The following PIK3C3 variants were observed in gnomAD, a reference collection of about 807,000 sequenced individuals.
PIK3C3 encodes phosphatidylinositol 3-kinase catalytic subunit type 3, also known as PI3-kinase type 3.
PIK3C3 carries 95 observed loss-of-function variants against 126.1 expected under a neutral mutation model. The ratio of observed to expected loss-of-function variants is 0.75; its 90% confidence interval spans 0.64 to 0.89. PIK3C3 has a LOEUF of 0.89. PIK3C3 is among the 40% of genes least tolerant of loss of function. The pLI is 0.00. For synonymous variants in PIK3C3, 374 were observed against 360.0 expected, an observed-to-expected ratio of 1.04 and a Z score of -0.44; for missense variants, 829 against 1,063.2, an observed-to-expected ratio of 0.78 and a Z score of 3.06.
At chr18:41,970,286 T>G in intron 3 of PIK3C3, 41 bp from the exon 4 acceptor site, 2 of 1,579,406 alleles carry the variant, frequency 1.3e-6, no homozygotes, top group Non-Finnish European at 1.7e-6. Flanking sequence ...TAATGAACTG[T>G]ATTAATTTAC....
chr18:42,002,020 T>A (rs1982314780), intron 9 of PIK3C3, among the ~76,000 whole-genome samples: 1 of 152,148 alleles, frequency 6.6e-6, no homozygotes, highest in African/African-American at 2.4e-5. Context: ...AGTGGACAGC[T>A]GTCCTTGGGG....
chr18:41,991,936 T>C (rs564340712), intron 6 of PIK3C3, among the ~76,000 whole-genome samples: 2 of 152,298 alleles, frequency 1.3e-5, no homozygotes, highest in East Asian at 1.9e-4. Context: ...TTAAACTATA[T>C]GTCATTTCAT....
At chr18:42,071,736 T>A (rs920774259) in intron 24 of PIK3C3, among the ~76,000 whole-genome samples, 21 of 150,950 alleles carry the variant, frequency 1.4e-4, no homozygotes, top group Middle Eastern at 3.4e-3. Context: ...AAAAAAAAAA[T>A]TAATAAAATA....
rs1454288715 is a variant in PIK3C3, at chr18:42,054,170, A to G, written c.2264-3713A>G. Among the ~76,000 whole-genome samples the G allele has an allele frequency of 7.9e-3, 415 of 52,544 alleles. 23 individuals carry two copies. Among genetic ancestry groups the G allele is most frequent in the Non-Finnish European group, 0.011 (294 of 27,916 alleles). The allele number at this position is 52,544 out of a possible 152,430, so 34.5% of individuals were successfully genotyped here. A position where few individuals can be genotyped will look rare whatever the true frequency, so the allele number is the denominator to read the frequency against. ...TATATATATATATATATATATATAT[A>G]TATATATATATATATATATATAAAG... On this transcript the variant is annotated intron_variant, in intron 21 of 24. Coordinates refer to ENST00000262039, the MANE Select transcript of PIK3C3 (RefSeq NM_002647.4).
rs776944669 is a variant in PIK3C3 at position 41,995,871 on chromosome 18, A to G, written c.787-19A>G. On this transcript the variant is annotated intron_variant, in intron 7 of 24. Transcript: ENST00000262039. Reference sequence around the variant, plus strand: ...TTTTGGTGAAGTTTACATTGTCAATATTTTAAAATAATTTGTAGGAGAATT... The same window carrying G: ...TTTTGGTGAAGTTTACATTGTCAATGTTTTAAAATAATTTGTAGGAGAATT... The G allele has an allele frequency of 9.0e-6, 14 of 1,558,034 alleles. No homozygotes were observed. The highest frequency in any genetic ancestry group is 2.7e-5 in the African/African-American group (2 of 73,768).
At chr18:42,032,457 TAAG>T (rs1391275962) in intron 15 of PIK3C3, among the ~76,000 whole-genome samples, 1 of 152,026 alleles carries the variant, frequency 6.6e-6, no homozygotes, top group African/African-American at 2.4e-5. Flanking sequence ...TTACTTTTGA[TAAG>T]AAACTGTAGG....
intron 7 of PIK3C3, 47 bp downstream of exon 7, chr18:41,993,388 A>C: frequency 8.2e-7 from 1 of 1,213,732 alleles, no homozygotes; most frequent in Non-Finnish European, 1.2e-6. Flanking sequence ...TCTTCAGAGT[A>C]ATTGTGAGTT....
chr18:41,987,778 T>A, intron 4 of PIK3C3, 34 bp from the exon 5 acceptor site: 1 of 1,419,966 alleles, frequency 7.0e-7, no homozygotes, highest in African/African-American at 1.4e-5. Flanking sequence ...ACTAGATGTA[T>A]ATTAAAATTT....
At chr18:42,015,338 T>C in intron 11 of PIK3C3, 138 bp from the exon 12 acceptor site, 1 of 632,330 alleles carries the variant, frequency 1.6e-6, no homozygotes, top group Non-Finnish European at 2.8e-6. Flanking sequence ...AATGTGACTC[T>C]AGTGTTGCAC....
Position 42,087,612 on chromosome 18 carries a change from A to T in PIK3C3, c.*6475A>T, listed in dbSNP as rs1195114679. ...GGAGCTTCTTTTCATTAAAGAAAAA[A>T]GCCTTACCGAGGACTCCCATACCCT... On this transcript the variant is annotated 3_prime_UTR_variant, in exon 25 of 25. Coordinates refer to ENST00000262039, the MANE Select transcript of PIK3C3 (RefSeq NM_002647.4). 6.6e-6 allele frequency: 1 copy of T among 152,190 alleles called. No individual in the cohort carries two copies. Among genetic ancestry groups the T allele is most frequent in the African/African-American group, 2.4e-5 (1 of 41,448 alleles). 9.4% of individuals were successfully genotyped at this position (152,190 alleles called of 1,614,324 possible). A position where few individuals can be genotyped will look rare whatever the true frequency, so the allele number is the denominator to read the frequency against.
chr18:42,019,408 C>A (rs1317790017), intron 12 of PIK3C3, among the ~76,000 whole-genome samples: 2 of 152,124 alleles, frequency 1.3e-5, no homozygotes, highest in Admixed American at 6.6e-5. Flanking sequence ...GCTTAAAACC[C>A]AATTTGCTAA....
At chr18:41,996,978 C>T (rs1425054234) in intron 9 of PIK3C3, among the ~76,000 whole-genome samples, 1 of 152,010 alleles carries the variant, frequency 6.6e-6, no homozygotes, top group Admixed American at 6.6e-5. Context: ...GTTCGTTTTC[C>T]AGAAGTACAT....
chr18:42,076,123 C>CATATATAT (rs1568013588), intron 24 of PIK3C3, among the ~76,000 whole-genome samples: 17 of 30,250 alleles, frequency 5.6e-4, no homozygotes, highest in African/African-American at 1.6e-3. Flanking sequence ...TATATATATG[C>CATATATAT]GCATATATAT....
Position 41,987,816 on chromosome 18 carries a change from C to T in PIK3C3, c.536C>T (p.Thr179Ile). The change falls in exon 5 of 25, where the codon ACC becomes ATC. Residue 179 changes from threonine to isoleucine, a missense_variant. Physicochemically the swap from Thr to Ile is moderately conservative, Grantham distance 89. This residue lies in a region of PIK3C3 where 313 missense variants were observed against 340.7 expected (regional missense o/e 0.92). Coordinates refer to ENST00000262039, the MANE Select transcript of PIK3C3 (RefSeq NM_002647.4). ...EDQMSRLAKL[T>I]KAHRQGHMVK... is the part of the protein sequence containing the mutation. ...GTCATTGTATTTATTCTGCAGCTCA[C>T]CAAAGCTCATCGACAAGGACACATG... is the stretch of plus-strand genomic sequence containing the variant. 6.2e-7 allele frequency: 1 copy of T among 1,603,950 alleles called. No individual in the cohort carries two copies. Among genetic ancestry groups the T allele is most frequent in the Non-Finnish European group, 8.5e-7 (1 of 1,174,264 alleles).
intron 4 of PIK3C3, among the ~76,000 whole-genome samples, chr18:41,985,876 A>G (rs748823051): frequency 3.3e-5 from 5 of 152,138 alleles, no homozygotes; most frequent in Non-Finnish European, 7.4e-5. Flanking sequence ...TGGCTTTAGA[A>G]CATTTCTAAT....
intron 5 of PIK3C3, among the ~76,000 whole-genome samples, chr18:41,988,103 G>A (rs1434585173): frequency 1.3e-5 from 2 of 151,926 alleles, no homozygotes; most frequent in Admixed American, 1.3e-4. Context: ...TATGAAGTAG[G>A]TAGTGGATAT....
At position 42,087,034 on chromosome 18, in the gene PIK3C3, TC is replaced by T. The variant is rs976869933; in HGVS notation, c.*5903del. 6.6e-6 allele frequency: 1 copy of T among 152,248 alleles called. No homozygotes were observed. Among genetic ancestry groups the T allele is most frequent in the South Asian group, 2.1e-4 (1 of 4,802 alleles). The allele number at this position is 152,248 out of a possible 1,614,324, so 9.4% of individuals were successfully genotyped here. A position where few individuals can be genotyped will look rare whatever the true frequency, so the allele number is the denominator to read the frequency against. ...AAAACTAGGTGCTAAGTACACTTTT[TC>T]CCCCCTTTCCTCTATTTTTAAAAGA... is the stretch of plus-strand genomic sequence containing the variant. On this transcript the variant is annotated 3_prime_UTR_variant, in exon 25 of 25. Transcript: ENST00000262039.
At chr18:42,034,298 C>G (rs1983952989) in intron 16 of PIK3C3, among the ~76,000 whole-genome samples, 1 of 152,196 alleles carries the variant, frequency 6.6e-6, no homozygotes, top group Admixed American at 6.5e-5. Flanking sequence ...AAGCAGTCTT[C>G]CCACCTCAGC....
rs76459531 is a variant in PIK3C3, at chr18:41,998,339, G to A, written c.984+1609G>A. 2.8e-3 allele frequency among the ~76,000 whole-genome samples: 428 copies of A among 152,238 alleles called. 7 individuals are homozygous for A. Among genetic ancestry groups the A allele is most frequent in the African/African-American group, 9.8e-3 (406 of 41,554 alleles). ...AAGATTGAGTTAGTGTCATGATACT[G>A]TGTTAAATGAAGAATAACCTTGGTC... is the stretch of plus-strand genomic sequence containing the variant. On this transcript the variant is annotated intron_variant, in intron 9 of 24. Transcript: ENST00000262039.
Sources: gnomAD v4.1 joint callset for allele counts (sites outside exome capture counted in the v4.1 genomes callset) on GRCh38, gnomAD v4.1.1 for gene constraint, gnomAD v4.1.1 regional missense constraint, MANE v1.5 for transcripts, NCBI Gene and HGNC (gene_info 2026-07-23, HGNC 2026-07-21) for gene names.